Variants in SGCD observed in about 807,000 individuals in gnomAD.
SGCD encodes the protein sarcoglycan delta.
SGCD carries 18 observed loss-of-function variants against 36.6 expected under a neutral mutation model. That is an observed-to-expected ratio of 0.49 (90% CI 0.34 to 0.73). The LOEUF (loss-of-function observed/expected upper bound fraction) is 0.73, where lower values mean the gene tolerates loss of function less well. Among genes scored for constraint, SGCD ranks in the 30% least tolerant of loss-of-function variants. The probability of loss-of-function intolerance (pLI) is 0.01; values close to 1 mark genes in which losing one functional copy is unlikely to be tolerated. For synonymous variants in SGCD, 133 were observed against 130.6 expected (o/e 1.02, Z -0.12); for missense variants, 387 against 346.7 (o/e 1.12, Z -0.92).
chr5:156,601,514 A>G (rs1049274377), intron 6 of SGCD, among the ~76,000 whole-genome samples: 2 of 152,224 alleles, frequency 1.3e-5, no homozygotes, highest in African/African-American at 4.8e-5. Context: ...TATGCCAAGT[A>G]CCATGTTGTT....
chr5:156,359,230 T>C (rs1268415751), intron 3 of SGCD, among the ~76,000 whole-genome samples: 1 of 152,204 alleles, frequency 6.6e-6, no homozygotes, highest in African/African-American at 2.4e-5. Flanking sequence ...CTTTCTTCTT[T>C]GGAGCTGGTT....
chr5:156,605,081 G>A (rs549289436), intron 6 of SGCD, among the ~76,000 whole-genome samples: 63 of 151,778 alleles, frequency 4.2e-4, no homozygotes, highest in Admixed American at 2.0e-3. Context: ...TTAAGTTTTA[G>A]GGTACATGTG....
intron 3 of SGCD, among the ~76,000 whole-genome samples, chr5:156,173,867 A>G (rs1424979232): frequency 2.6e-5 from 4 of 152,248 alleles, no homozygotes; most frequent in Middle Eastern, 3.4e-3. Flanking sequence ...TGATGGTCCA[A>G]TCATATGGAA....
intron 1 of SGCD, among the ~76,000 whole-genome samples, chr5:155,975,845 G>T (rs1758103078): frequency 6.6e-6 from 1 of 151,470 alleles, no homozygotes; most frequent in Admixed American, 6.6e-5. Flanking sequence ...GCCCAGGCTG[G>T]TCTCAAACTC....
intron 3 of SGCD, among the ~76,000 whole-genome samples, chr5:156,480,860 C>T (rs1393530358): frequency 6.6e-6 from 1 of 152,156 alleles, no homozygotes; most frequent in Non-Finnish European, 1.5e-5. Context: ...TAGGCATTAA[C>T]ACTCTTATTG....
At chr5:156,074,755 T>G (rs1035046026) in intron 1 of SGCD, among the ~76,000 whole-genome samples, 1 of 152,214 alleles carries the variant, frequency 6.6e-6, no homozygotes, top group Admixed American at 6.5e-5. Flanking sequence ...GACAGAGCAC[T>G]TCACAGACTA....
rs1283908361 is a variant in SGCD, at chr5:156,069,085, C to T, written c.-281-48793C>T. ...CCATTCTGTAGGTTGCCTGTTCACT[C>T]TGATGGTAGTTTCTTTTGCTGTGCA... On this transcript the variant is annotated intron_variant, in intron 1 of 9. Coordinates refer to the SGCD transcript ENST00000517913. Among the ~76,000 whole-genome samples, 3 of 152,062 alleles carry T rather than the reference C, an allele frequency of 2.0e-5. 1 individual carries two copies. The highest frequency in any genetic ancestry group is 7.3e-5 in the African/African-American group (3 of 41,376).
intron 7 of SGCD, among the ~76,000 whole-genome samples, chr5:156,716,522 A>C (rs1173673776): frequency 1.3e-5 from 2 of 152,198 alleles, no homozygotes; most frequent in Admixed American, 6.5e-5. Context: ...CTATTTGAAA[A>C]ATGTGCGTAA....
At chr5:156,014,197 A>G (rs1758917528) in intron 1 of SGCD, among the ~76,000 whole-genome samples, 1 of 152,164 alleles carries the variant, frequency 6.6e-6, no homozygotes, top group Non-Finnish European at 1.5e-5. Flanking sequence ...AATGAGATTC[A>G]ATATCTGGTA....
chr5:156,311,003 T>C (rs533109184), intron 3 of SGCD, among the ~76,000 whole-genome samples: 1 of 152,322 alleles, frequency 6.6e-6, no homozygotes, highest in African/African-American at 2.4e-5. Flanking sequence ...TAAAAATTTC[T>C]AGTTAGAGGG....
At chr5:156,287,673 G>GT (rs1254880842) in intron 3 of SGCD, among the ~76,000 whole-genome samples, 23 of 151,466 alleles carry the variant, frequency 1.5e-4, no homozygotes, top group Non-Finnish European at 2.5e-4. Flanking sequence ...ATGTGTGTAT[G>GT]GGTACATGCA....
intron 6 of SGCD, among the ~76,000 whole-genome samples, chr5:156,607,665 C>G (rs1761538819): frequency 6.6e-6 from 1 of 151,320 alleles, no homozygotes. Flanking sequence ...GGCTGTGAAT[C>G]CATCTGGTCC....
the SGCD span, among the ~76,000 whole-genome samples, chr5:155,812,131 G>A: frequency 0.88 from 134,116 of 152,236 alleles, 59,161 homozygotes; most frequent in East Asian, 0.99. Context: ...AGAAATTCTC[G>A]GAAGGGAGTA....
intron 3 of SGCD, among the ~76,000 whole-genome samples, chr5:156,230,828 AT>A (rs764329318): frequency 1.3e-5 from 2 of 152,152 alleles, no homozygotes; most frequent in Admixed American, 6.5e-5. Flanking sequence ...CATATAGTAA[AT>A]GCTTAGTAAC....
chr5:156,004,462 T>C (rs981019813), intron 1 of SGCD, among the ~76,000 whole-genome samples: 19 of 152,188 alleles, frequency 1.2e-4, no homozygotes, highest in Non-Finnish European at 2.8e-4. Context: ...TTTTACTGAA[T>C]AATGCTAACA....
intron 1 of SGCD, among the ~76,000 whole-genome samples, chr5:156,086,243 T>G (rs555287941): frequency 6.6e-6 from 1 of 152,370 alleles, no homozygotes; most frequent in East Asian, 1.9e-4. Context: ...GGGAAAAGGA[T>G]AGTCTACTGT....
the SGCD span, among the ~76,000 whole-genome samples, chr5:155,744,075 A>G: frequency 6.6e-6 from 1 of 152,228 alleles, no homozygotes; most frequent in South Asian, 2.1e-4. Flanking sequence ...ACCAGCCAAT[A>G]TAAATCAGAT....
At chr5:156,637,771 A>G (rs1468718226) in intron 6 of SGCD, among the ~76,000 whole-genome samples, 2 of 152,178 alleles carry the variant, frequency 1.3e-5, no homozygotes, top group Non-Finnish European at 2.9e-5. Context: ...AAGGTAAAAA[A>G]TTACATAATC....
chr5:156,708,585 G>A (rs563210485), intron 7 of SGCD, among the ~76,000 whole-genome samples: 73 of 152,234 alleles, frequency 4.8e-4, no homozygotes, highest in African/African-American at 1.7e-3. Flanking sequence ...GACACATAAC[G>A]AACATACAAA....
Sources: allele counts gnomAD v4.1 joint callset (sites outside exome capture counted in the v4.1 genomes callset), GRCh38; gene constraint gnomAD v4.1.1; transcripts MANE v1.5; gene names NCBI Gene and HGNC (gene_info 2026-07-23, HGNC 2026-07-21).